Variants in DENND5B observed in about 807,000 individuals in gnomAD.
The protein encoded by DENND5B is DENN domain-containing protein 5B.
A neutral mutation model predicts 140.6 loss-of-function variants in DENND5B; 34 were observed. That is an observed-to-expected ratio of 0.24 (90% CI 0.18 to 0.32). The LOEUF is 0.32. DENND5B is among the 10% of genes least tolerant of loss of function. DENND5B has a pLI of 1.00. For missense variants in DENND5B, 1,142 were observed against 1,560.2 expected (o/e 0.73, Z 4.52); for synonymous variants, 551 against 562.1 (o/e 0.98, Z 0.28).
Position 31,437,146 on chromosome 12 carries a change from C to T in DENND5B, c.2013-3898G>A, listed in dbSNP as rs1383621906. Among the ~76,000 whole-genome samples the T allele has an allele frequency of 9.9e-4, 144 of 145,050 alleles. 2 individuals are homozygous for T. Among genetic ancestry groups the T allele is most frequent in the African/African-American group, 2.4e-3 (94 of 39,698 alleles). On this transcript the variant is annotated intron_variant, in intron 7 of 20. Transcript: ENST00000389082. ...AGTCTACTATAGCACCTGCCCCCCC[C>T]TTTTTTTTTTTTTTGAGACGGAGTC...
intron 19 of DENND5B, among the ~76,000 whole-genome samples, chr12:31,390,946 G>A (rs1941109080): frequency 6.6e-6 from 1 of 152,130 alleles, no homozygotes; most frequent in African/African-American, 2.4e-5. Flanking sequence ...AACCCAGGAG[G>A]CAGAGGTTGC....
At chr12:31,417,408 A>G (rs933324428) in intron 11 of DENND5B, among the ~76,000 whole-genome samples, 6 of 151,496 alleles carry the variant, frequency 4.0e-5, no homozygotes, top group East Asian at 1.9e-4. Context: ...CTTCAATCTG[A>G]TAAGTTTCTA....
intron 6 of DENND5B, among the ~76,000 whole-genome samples, chr12:31,445,689 C>G (rs546258342): frequency 8.0e-6 from 1 of 124,692 alleles, no homozygotes; most frequent in African/African-American, 3.1e-5. Context: ...TGAGTGACAG[C>G]GAGATTCTGT....
chr12:31,412,013 G>A (rs1427651752), intron 13 of DENND5B, among the ~76,000 whole-genome samples: 3 of 151,978 alleles, frequency 2.0e-5, no homozygotes, highest in Non-Finnish European at 4.4e-5. Flanking sequence ...TCGCTCTGTT[G>A]CCCAAGCTGG....
At chr12:31,527,565 G>A (rs1948128843) in intron 1 of DENND5B, among the ~76,000 whole-genome samples, 1 of 152,146 alleles carries the variant, frequency 6.6e-6, no homozygotes, top group Non-Finnish European at 1.5e-5. Context: ...GGATCATGAG[G>A]TCAGGAGTTC....
chr12:31,519,864 G>A (rs897288839), intron 1 of DENND5B, among the ~76,000 whole-genome samples: 1 of 152,152 alleles, frequency 6.6e-6, no homozygotes, highest in East Asian at 1.9e-4. Context: ...TATATTTATA[G>A]AGTTGTGTGA....
intron 1 of DENND5B, among the ~76,000 whole-genome samples, chr12:31,527,880 T>C (rs1948142534): frequency 6.6e-6 from 1 of 152,198 alleles, no homozygotes; most frequent in Admixed American, 6.5e-5. Context: ...AATCTAATTA[T>C]GAGGAAACAA....
intron 1 of DENND5B, among the ~76,000 whole-genome samples, chr12:31,587,218 T>C (rs904614467): frequency 5.3e-5 from 8 of 152,214 alleles, no homozygotes; most frequent in Non-Finnish European, 8.8e-5. Context: ...AGATGTCTTG[T>C]CTATGTGACA....
intron 11 of DENND5B, among the ~76,000 whole-genome samples, chr12:31,422,563 T>C (rs1470818554): frequency 6.6e-6 from 1 of 152,218 alleles, no homozygotes; most frequent in Non-Finnish European, 1.5e-5. Context: ...ATCGTACCAC[T>C]GTACTCCAAC....
At chr12:31,444,532 T>C (rs1230289026) in intron 6 of DENND5B, among the ~76,000 whole-genome samples, 3 of 152,188 alleles carry the variant, frequency 2.0e-5, no homozygotes, top group Admixed American at 6.5e-5. Flanking sequence ...GCGTTAGCCA[T>C]TGTGCCTGGC....
At chr12:31,449,992 A>G (rs1048939334) in intron 5 of DENND5B, among the ~76,000 whole-genome samples, 3 of 152,104 alleles carry the variant, frequency 2.0e-5, no homozygotes, top group African/African-American at 7.2e-5. Flanking sequence ...CAGCCTCCCA[A>G]AGTGTTGGGA....
Position 31,383,739 on chromosome 12 carries a change from T to A in DENND5B, c.*3864A>T, listed in dbSNP as rs1211755793. On this transcript the variant is annotated 3_prime_UTR_variant, in exon 21 of 21. Transcript: ENST00000389082. ...CGCAGTCATTTTTAAGGCATATGACTCCCGACCAGGGCACAGATCTCACAC... is the reference window on the plus strand; with the variant it reads ...CGCAGTCATTTTTAAGGCATATGACACCCGACCAGGGCACAGATCTCACAC... 1 of 152,086 alleles carries A rather than the reference T, an allele frequency of 6.6e-6. No individual in the cohort carries two copies. The highest frequency in any genetic ancestry group is 2.4e-5 in the African/African-American group (1 of 41,402). The allele number at this position is 152,086 out of a possible 1,614,324, so 9.4% of individuals were successfully genotyped here. A position where few individuals can be genotyped will look rare whatever the true frequency, so the allele number is the denominator to read the frequency against.
intron 1 of DENND5B, among the ~76,000 whole-genome samples, chr12:31,512,291 G>C (rs1370646270): frequency 6.6e-6 from 1 of 151,332 alleles, no homozygotes; most frequent in Admixed American, 6.6e-5. Context: ...ACGGTTCACT[G>C]TAGCTTGGAC....
intron 4 of DENND5B, among the ~76,000 whole-genome samples, chr12:31,453,308 G>C (rs572688223): frequency 6.6e-6 from 1 of 152,212 alleles, no homozygotes; most frequent in African/African-American, 2.4e-5. Context: ...ACAGAAATCA[G>C]AAGAAATGTT....
intron 1 of DENND5B, among the ~76,000 whole-genome samples, chr12:31,545,684 T>C (rs1248470205): frequency 2.0e-5 from 3 of 152,026 alleles, no homozygotes; most frequent in African/African-American, 4.8e-5. Flanking sequence ...CCAGGCGCGG[T>C]GGCTCACACC....
chr12:31,507,273 A>G (rs1335420893), intron 1 of DENND5B, among the ~76,000 whole-genome samples: 1 of 151,950 alleles, frequency 6.6e-6, no homozygotes, highest in African/African-American at 2.4e-5. Flanking sequence ...TGTAGCTAGG[A>G]CTACAGGTGC....
rs577228589 is a variant in DENND5B at position 31,516,646 on chromosome 12, GATATA to G, written c.128-20732_128-20728del. On this transcript the variant is annotated intron_variant, in intron 1 of 20. Coordinates refer to ENST00000389082, the MANE Select transcript of DENND5B (RefSeq NM_144973.4). Reference sequence around the variant, plus strand: ...ACGATTTATGTGCTCCTTCAAGACTGATATAATATCTGACTGCCATTAACACCTAC... The same window carrying G: ...ACGATTTATGTGCTCCTTCAAGACTGATATCTGACTGCCATTAACACCTAC... Among the ~76,000 whole-genome samples the G allele has an allele frequency of 7.9e-5, 12 of 152,254 alleles. No individual in the cohort carries two copies. The South Asian group carries it at 2.3e-3, about 29-fold the overall frequency.
chr12:31,445,903 G>C (rs979914349), intron 6 of DENND5B, among the ~76,000 whole-genome samples: 2 of 151,328 alleles, frequency 1.3e-5, no homozygotes, highest in African/African-American at 4.9e-5. Flanking sequence ...CAGTTCCCCA[G>C]GAGGCTGTGG....
chr12:31,498,794 G>A (rs1030637316), intron 1 of DENND5B, among the ~76,000 whole-genome samples: 1 of 151,928 alleles, frequency 6.6e-6, no homozygotes, highest in African/African-American at 2.4e-5. Context: ...CGAACGTGCT[G>A]AAATCCTGTC....
Sources: gnomAD v4.1 joint callset for allele counts (sites outside exome capture counted in the v4.1 genomes callset) on GRCh38, gnomAD v4.1.1 for gene constraint, MANE v1.5 for transcripts, NCBI Gene and HGNC (gene_info 2026-07-23, HGNC 2026-07-21) for gene names.